INTS1: variants seen among roughly 807,000 people sequenced by gnomAD.
The protein encoded by INTS1 is integrator complex subunit 1.
A neutral mutation model predicts 241.6 loss-of-function variants in INTS1; 137 were observed. The ratio of observed to expected loss-of-function variants is 0.57; its 90% CI spans 0.49 to 0.65. The LOEUF is 0.65. INTS1 is among the 30% of genes least tolerant of loss of function. The probability of loss-of-function intolerance (pLI) is 0.00; values close to 1 mark genes in which losing one functional copy is unlikely to be tolerated. For synonymous variants in INTS1, 1,692 were observed against 1,337.8 expected (o/e 1.26, Z -5.78); for missense variants, 3,073 against 3,032.2 (o/e 1.01, Z -0.32).
intron 7 of INTS1, 38 bp from the exon 8 acceptor site, chr7:1,499,199 C>T: frequency 1.2e-6 from 2 of 1,603,352 alleles, no homozygotes; most frequent in Middle Eastern, 1.7e-4. Flanking sequence ...AGGAAGGTGG[C>T]CCCGAGGCGC....
Position 1,497,186 on chromosome 7 carries a change from C to T in INTS1, c.1554G>A (p.Gly518=), listed in dbSNP as rs377652987. 167 of 1,611,332 alleles carry T rather than the reference C, an allele frequency of 1.0e-4. 2 individuals carry two copies. In the African/African-American group the frequency reaches 1.2e-3, roughly 12 times the overall value. ...GCGGCTCCTTGCGCTCCTGCATGAG[C>T]CCCAGGCAGAAGGCCTGGAAGTTGA... ...HEINFQAFCL[G]LMQERKEPQY... is the part of the protein sequence containing the mutation. Residue 518 remains glycine (G), a synonymous_variant, in exon 11 of 48, where the codon GGG becomes GGA. Transcript: ENST00000404767. The surrounding 1 kb of genome is among the most constrained non-coding windows in gnomAD (Gnocchi z 5.3).
At chr7:1,479,053 C>T (rs371501148) in intron 31 of INTS1, among the ~76,000 whole-genome samples, 168 bp from the exon 32 acceptor site, 3 of 152,212 alleles carry the variant, frequency 2.0e-5, no homozygotes, top group Non-Finnish European at 2.9e-5. Context: ...CTCCCCTGCA[C>T]GGGCCCAGAC....
At position 1,493,604 on chromosome 7, in the gene INTS1, G is replaced by A. The variant is rs1207898797; in HGVS notation, c.2068+150C>T. On this transcript the variant is annotated intron_variant, in intron 15 of 47. Coordinates refer to ENST00000404767, the MANE Select transcript of INTS1 (RefSeq NM_001080453.3). This position sits in a 1 kb window ranked among gnomAD's most constrained non-coding sequence, Gnocchi z 5.3. ...CTGAATTCCCAACGGCAGATGTGGA[G>A]AAGGCAGGTCCCCGAGCCTCCCGGG... 5 of 911,030 alleles carry A rather than the reference G, an allele frequency of 5.5e-6. No individual in the cohort carries two copies. The East Asian group carries it at 9.1e-5, about 16-fold the overall frequency. The allele number at this position is 911,030 out of a possible 1,614,324, so 56.4% of individuals were successfully genotyped here. A position where few individuals can be genotyped will look rare whatever the true frequency, so the allele number is the denominator to read the frequency against.
At chr7:1,502,753 C>A in intron 3 of INTS1, 148 bp downstream of exon 3, 1 of 852,092 alleles carries the variant, frequency 1.2e-6, no homozygotes, top group Non-Finnish European at 1.9e-6. Context: ...ACGTGAGAAG[C>A]ACTTCCAAGA....
In INTS1 at chr7:1,500,239, G is replaced by A. The variant is rs1441981635; in HGVS notation, c.477C>T (p.Thr159=). 3.7e-6 allele frequency: 6 copies of A among 1,605,428 alleles called. No individual in the cohort carries two copies. Among genetic ancestry groups the A allele is most frequent in the East Asian group, 4.5e-5 (2 of 44,490 alleles). The part of the protein sequence containing the change: ...LKVTRAKPDS[T]LYLSLMYLAK... Reference sequence around the variant, plus strand: ...CCAGGTACATGAGGCTCAGGTAGAGGGTGCTGTCAGGCTTGGCGCGGGTGA... The same window carrying A: ...CCAGGTACATGAGGCTCAGGTAGAGAGTGCTGTCAGGCTTGGCGCGGGTGA... The change falls in exon 4 of 48, where the codon ACC becomes ACT. Residue 159 remains threonine, a synonymous_variant. Transcript: ENST00000404767.
chr7:1,473,657 T>G lies in INTS1; in HGVS notation c.5866A>C (p.Ile1956Leu). 2 of 1,613,462 alleles carry G rather than the reference T, an allele frequency of 1.2e-6. No individual in the cohort carries two copies. The highest frequency in any genetic ancestry group is 1.7e-6 in the Non-Finnish European group (2 of 1,179,808). Residue 1956 changes from isoleucine (I) to leucine (L), a missense_variant, in exon 42 of 48, where the codon ATC becomes CTC. Coordinates refer to ENST00000404767, the MANE Select transcript of INTS1 (RefSeq NM_001080453.3). ...TGGATGAACTGCACAAACTTGTTGA[T>G]GAAGGCAGCCAGATGGCGGGAGGAC... is the stretch of plus-strand genomic sequence containing the variant. ...RKSSRHLAAF[I>L]NKFVQFIHKY...
Position 1,476,604 on chromosome 7 carries a change from C to T in INTS1, c.5117G>A (p.Arg1706His), listed in dbSNP as rs200824460. 5.6e-6 allele frequency: 9 copies of T among 1,612,194 alleles called. No homozygotes were observed. Among genetic ancestry groups the T allele is most frequent in the Admixed American group, 3.3e-5 (2 of 60,012 alleles). Residue 1706 changes from arginine to histidine, a missense_variant, in exon 37 of 48, where the codon CGC (arginine) becomes CAC (histidine). Arg to His is a conservative substitution (Grantham distance 29). Transcript: ENST00000404767. The part of the protein sequence containing the change: ...DFLWACIHVP[R>H]IWQGRDQRTP... ...GCGCTGGTCCCGCCCCTGCCAGATGCGAGGAACATGGATGCAGGCCCAGAG... is the reference window on the plus strand; with the variant it reads ...GCGCTGGTCCCGCCCCTGCCAGATGTGAGGAACATGGATGCAGGCCCAGAG...
Position 1,485,212 on chromosome 7 carries a change from AG to A in INTS1, c.3157-11del, listed in dbSNP as rs1165806643. The A allele has an allele frequency of 6.3e-7, 1 of 1,599,482 alleles. No homozygotes were observed. The highest frequency in any genetic ancestry group is 1.1e-5 in the South Asian group (1 of 90,920). ...TCTCCATGTGGATTGCCTGGAGGGG[AG>A]GGTGGTCTGAGCGGCAACAGGGCAG... On this transcript the variant is annotated splice_polypyrimidine_tract_variant and intron_variant, in intron 23 of 47. Transcript: ENST00000404767.
chr7:1,474,255 C>T lies in INTS1; in HGVS notation c.5742G>A (p.Leu1914=). Residue 1914 remains leucine (L), a synonymous_variant, in exon 41 of 48, where the codon CTG becomes CTA. Transcript: ENST00000404767. The part of the protein sequence containing the change: ...HLSCFLHVLG[L]LELLQPHVFR... ...ACACGTGCGGCTGCAGCAGCTCCAG[C>T]AGGCCCAGCACGTGCAGGAAGCAGC... 1 of 1,606,316 alleles carries T rather than the reference C, an allele frequency of 6.2e-7. No homozygotes were observed. The highest frequency in any genetic ancestry group is 8.5e-7 in the Non-Finnish European group (1 of 1,178,000).
intron 3 of INTS1, 99 bp from the exon 4 acceptor site, chr7:1,500,465 G>T: frequency 7.6e-7 from 1 of 1,320,660 alleles, no homozygotes; most frequent in Non-Finnish European, 1.0e-6. Context: ...GAGCTCTCAG[G>T]GTCGGCCCTG....
rs1435417345 is a variant in INTS1, at chr7:1,470,610, G to A, written c.6540C>T (p.Ala2180=). The change falls in exon 48 of 48, where the codon GCC becomes GCT. Residue 2180 remains alanine (A), a synonymous_variant. Coordinates refer to ENST00000404767, the MANE Select transcript of INTS1 (RefSeq NM_001080453.3). ...CGGCCTCCATATGCAGGATCCTCAG[G>A]GCCTCGGAGATCTGCGCGCTGGGGT... ...QMDPSAQISE[A]LRILHMEAVM The A allele has an allele frequency of 1.9e-6, 3 of 1,583,276 alleles. No homozygotes were observed. The South Asian group carries it at 3.5e-5, about 18-fold the overall frequency.
chr7:1,471,018 A>G, intron 46 of INTS1, 63 bp from the exon 47 acceptor site: 1 of 1,519,532 alleles, frequency 6.6e-7, no homozygotes, highest in Non-Finnish European at 8.9e-7. Context: ...CCCCCACCCG[A>G]CAGGGCGAGC....
At position 1,492,912 on chromosome 7, in the gene INTS1, G is replaced by A; in HGVS notation, c.2165+98C>T. 2 of 716,318 alleles carry A rather than the reference G, an allele frequency of 2.8e-6. 1 individual carries two copies. The highest frequency in any genetic ancestry group is 4.6e-6 in the Non-Finnish European group (2 of 438,496). 44.4% of individuals were successfully genotyped at this position (716,318 alleles called of 1,614,324 possible). A position where few individuals can be genotyped will look rare whatever the true frequency, so the allele number is the denominator to read the frequency against. On this transcript the variant is annotated intron_variant, in intron 16 of 47. Coordinates refer to ENST00000404767, the MANE Select transcript of INTS1 (RefSeq NM_001080453.3). ...GGGAGCGGGGCGCAGGCTTACCCGG[G>A]CGGGAGTGGGGAGCGGGGCGCGGGC... is the stretch of plus-strand genomic sequence containing the variant.
At position 1,503,943 on chromosome 7, in the gene INTS1, G is replaced by A; in HGVS notation, c.18C>T (p.Pro6=). The A allele has an allele frequency of 5.1e-6, 8 of 1,569,800 alleles. No individual in the cohort carries two copies. Among genetic ancestry groups the A allele is most frequent in the Non-Finnish European group, 6.0e-6 (7 of 1,158,204 alleles). Residue 6 remains proline (P), a synonymous_variant, in exon 2 of 48, where the codon CCC becomes CCT. Transcript: ENST00000404767. ...CGGCGCTGGGCCGGCGCACCGTGGT[G>A]GGCTTGGCCCGGTTCATCCTGCCCC... The part of the protein sequence containing the change: MNRAK[P]TTVRRPSAAA...
At chr7:1,489,704 A>C in intron 16 of INTS1, 22 bp from the exon 17 acceptor site, 1 of 1,461,242 alleles carries the variant, frequency 6.8e-7, no homozygotes, top group Non-Finnish European at 9.2e-7. Flanking sequence ...GGGCGCCCCG[A>C]CTCAGGCCCA....
intron 16 of INTS1, 115 bp downstream of exon 16, chr7:1,492,895 G>A: frequency 3.3e-6 from 2 of 605,538 alleles, no homozygotes; most frequent in South Asian, 4.1e-5. Flanking sequence ...TGGGGAGCGG[G>A]GCGCAGGCTT....
chr7:1,477,138 C>T (rs1050798476), intron 35 of INTS1, among the ~76,000 whole-genome samples: 2 of 152,200 alleles, frequency 1.3e-5, no homozygotes, highest in Non-Finnish European at 2.9e-5. Flanking sequence ...CGGAGGTGCC[C>T]GGGGCTCCAT....
chr7:1,487,206 G>A (rs1285513307), intron 20 of INTS1, 105 bp from the exon 21 acceptor site: 4 of 1,502,344 alleles, frequency 2.7e-6, no homozygotes, highest in Admixed American at 2.0e-5. Context: ...GCAGCAGCCA[G>A]CTCATGGGCC....
rs1339508389 is a variant in INTS1 at position 1,499,454 on chromosome 7, G to C, written c.844+19C>G. ...TGGGGCTTGGACACCCGCCCTCTCTGGCTGGCCGTGTGTCTCACCTGCACC... is the reference window on the plus strand; with the variant it reads ...TGGGGCTTGGACACCCGCCCTCTCTCGCTGGCCGTGTGTCTCACCTGCACC... On this transcript the variant is annotated intron_variant, in intron 6 of 47. Transcript: ENST00000404767. The C allele has an allele frequency of 1.9e-6, 3 of 1,540,120 alleles. No individual in the cohort carries two copies. The South Asian group carries it at 3.5e-5, about 18-fold the overall frequency.
Sources: gnomAD v4.1 joint callset for allele counts (sites outside exome capture counted in the v4.1 genomes callset) on GRCh38, gnomAD v4.1.1 for gene constraint, Gnocchi (gnomAD v3.1) non-coding constraint, MANE v1.5 for transcripts, NCBI Gene and HGNC (gene_info 2026-07-23, HGNC 2026-07-21) for gene names.